Variants in STOX1 observed in about 807,000 individuals in gnomAD.
STOX1 encodes the protein storkhead box 1, also known as storkhead-box protein 1.
A neutral mutation model predicts 74.8 loss-of-function variants in STOX1; 57 were observed. That is an observed-to-expected ratio of 0.76 (90% CI 0.62 to 0.95). The LOEUF is 0.95. Ranked by LOEUF, STOX1 falls within the 40% of genes least tolerant of loss-of-function variation. The probability of loss-of-function intolerance (pLI) is 0.00; values close to 1 mark genes in which losing one functional copy is unlikely to be tolerated. For synonymous variants in STOX1, 375 were observed against 401.3 expected, an observed-to-expected ratio of 0.93 and a Z score of 0.78; for missense variants, 1,010 against 1,117.0, an observed-to-expected ratio of 0.90 and a Z score of 1.37.
intron 1 of STOX1, among the ~76,000 whole-genome samples, chr10:68,839,244 G>C (rs1054137621): frequency 6.6e-6 from 1 of 152,078 alleles, no homozygotes; most frequent in Admixed American, 6.6e-5. Context: ...ATTATTTGAG[G>C]CAGGGTCTTG....
rs985675914 is a variant in STOX1 at position 68,836,549 on chromosome 10, G to A, written c.310+8616G>A. Among the ~76,000 whole-genome samples, 4 of 152,112 alleles carry A rather than the reference G, an allele frequency of 2.6e-5. No individual in the cohort carries two copies. In the South Asian group the frequency reaches 8.3e-4, roughly 32 times the overall value. On this transcript the variant is annotated intron_variant, in intron 1 of 3. Transcript: ENST00000298596. ...GTCCTTTGTGCTTAGTGCTGGTCAC[G>A]TCCACAGCCGTGTGTTGTCCTGTGC... is the stretch of plus-strand genomic sequence containing the variant.
chr10:68,889,498 C>T (rs1486784501), intron 3 of STOX1, among the ~76,000 whole-genome samples: 4 of 152,102 alleles, frequency 2.6e-5, no homozygotes, highest in Non-Finnish European at 5.9e-5. Context: ...AGAGCCATGG[C>T]TTTCTTTTTT....
chr10:68,880,635 A>G (rs1840794377), intron 1 of STOX1, among the ~76,000 whole-genome samples: 1 of 151,136 alleles, frequency 6.6e-6, no homozygotes, highest in Non-Finnish European at 1.5e-5. Flanking sequence ...GCCAAGAGGT[A>G]TGTGCTCTTT....
At chr10:68,831,728 G>A (rs940097250) in intron 1 of STOX1, among the ~76,000 whole-genome samples, 1 of 152,048 alleles carries the variant, frequency 6.6e-6, no homozygotes, top group African/African-American at 2.4e-5. Context: ...TCATGCAGAG[G>A]TTTATGTTTT....
At chr10:68,856,021 G>A (rs1484426038) in intron 1 of STOX1, among the ~76,000 whole-genome samples, 1 of 152,050 alleles carries the variant, frequency 6.6e-6, no homozygotes, top group African/African-American at 2.4e-5. Context: ...GTCAGAAATG[G>A]TGTACTCAGC....
intron 1 of STOX1, among the ~76,000 whole-genome samples, chr10:68,877,210 G>GA (rs578123416): frequency 1.3e-5 from 2 of 152,012 alleles, no homozygotes; most frequent in African/African-American, 2.4e-5. Flanking sequence ...TTTAAGGGGG[G>GA]AAAAAAGGCA....
chr10:68,868,214 C>CG (rs1840456184), intron 1 of STOX1, among the ~76,000 whole-genome samples: 1 of 152,178 alleles, frequency 6.6e-6, no homozygotes, highest in Non-Finnish European at 1.5e-5. Flanking sequence ...AAAGTGGGAT[C>CG]GGGGGGCTAA....
intron 3 of STOX1, 77 bp downstream of exon 3, chr10:68,886,695 G>A (rs1040035142): frequency 1.5e-5 from 20 of 1,323,150 alleles, no homozygotes; most frequent in African/African-American, 4.4e-5. Flanking sequence ...TTGGGAGGCC[G>A]AGGCGGGCAG....
intron 1 of STOX1, among the ~76,000 whole-genome samples, chr10:68,850,773 A>G (rs975391845): frequency 3.9e-5 from 6 of 152,152 alleles, no homozygotes; most frequent in Non-Finnish European, 8.8e-5. Flanking sequence ...GGAGTTCAAG[A>G]CCAGCCTGGG....
At chr10:68,828,467 C>T (rs996380393) in intron 1 of STOX1, among the ~76,000 whole-genome samples, 1 of 152,300 alleles carries the variant, frequency 6.6e-6, no homozygotes, top group Admixed American at 6.5e-5. Flanking sequence ...GACACTGCAG[C>T]TATAGTCCCC....
In STOX1 at chr10:68,847,629, C is replaced by G. The variant is rs116218468; in HGVS notation, c.310+19696C>G. Among the ~76,000 whole-genome samples the G allele has an allele frequency of 6.0e-3, 910 of 151,756 alleles. 13 individuals carry two copies. Among genetic ancestry groups the G allele is most frequent in the African/African-American group, 0.021 (852 of 41,340 alleles). On this transcript the variant is annotated intron_variant, in intron 1 of 3. Transcript: ENST00000298596. Reference sequence around the variant, plus strand: ...TTCACTATGTTGGCTGGGCTCATCTCGAATTCCTGACCTCAAGTGATCCAC... The same window carrying G: ...TTCACTATGTTGGCTGGGCTCATCTGGAATTCCTGACCTCAAGTGATCCAC...
chr10:68,872,174 T>C (rs1252930675), intron 1 of STOX1, among the ~76,000 whole-genome samples: 1 of 152,078 alleles, frequency 6.6e-6, no homozygotes, highest in Non-Finnish European at 1.5e-5. Flanking sequence ...TTAGAGCAGC[T>C]CTGTTAAACC....
intron 1 of STOX1, among the ~76,000 whole-genome samples, chr10:68,857,028 C>T (rs1418674249): frequency 2.6e-5 from 4 of 152,048 alleles, no homozygotes; most frequent in Non-Finnish European, 5.9e-5. Flanking sequence ...ACAAGTAGGA[C>T]CCTATCATCT....
At chr10:68,856,877 C>T (rs550607656) in intron 1 of STOX1, among the ~76,000 whole-genome samples, 3 of 152,200 alleles carry the variant, frequency 2.0e-5, no homozygotes, top group South Asian at 4.1e-4. Flanking sequence ...ATTCTGGCAG[C>T]ATTTTCCAAG....
chr10:68,856,097 C>T (rs1408403289), intron 1 of STOX1, among the ~76,000 whole-genome samples: 2 of 151,954 alleles, frequency 1.3e-5, no homozygotes, highest in Non-Finnish European at 2.9e-5. Context: ...CACAGGGTAG[C>T]AGGTTGGGAG....
chr10:68,881,802 AT>A (rs1344115532), intron 1 of STOX1, among the ~76,000 whole-genome samples, 155 bp from the exon 2 acceptor site: 2 of 152,348 alleles, frequency 1.3e-5, no homozygotes, highest in East Asian at 3.9e-4. Context: ...AGTTTCTGTC[AT>A]TGTACATGTC....
chr10:68,867,865 A>C (rs1047814602), intron 1 of STOX1, among the ~76,000 whole-genome samples: 1 of 152,234 alleles, frequency 6.6e-6, no homozygotes, highest in African/African-American at 2.4e-5. Context: ...ATATTTCTCT[A>C]CCGCACTAAA....
At chr10:68,845,273 T>A (rs1839810089) in intron 1 of STOX1, among the ~76,000 whole-genome samples, 1 of 142,324 alleles carries the variant, frequency 7.0e-6, no homozygotes, top group Non-Finnish European at 1.5e-5. Flanking sequence ...GCTGGCTAAT[T>A]TTTTTTTTTT....
downstream of STOX1, among the ~76,000 whole-genome samples, chr10:68,894,060 CT>C (rs1322446838): frequency 1.3e-5 from 2 of 149,240 alleles, no homozygotes; most frequent in South Asian, 4.2e-4. Context: ...AATGTCTTTT[CT>C]TTTCTTTTTT....
Sources: allele counts gnomAD v4.1 joint callset (sites outside exome capture counted in the v4.1 genomes callset), GRCh38; gene constraint gnomAD v4.1.1; transcripts MANE v1.5; gene names NCBI Gene and HGNC (gene_info 2026-07-23, HGNC 2026-07-21).